PLPP7: variants seen among roughly 807,000 people sequenced by gnomAD.
The protein encoded by PLPP7 is phospholipid phosphatase 7 (inactive).
PLPP7 carries 11 observed loss-of-function variants against 16.9 expected under a neutral mutation model. That is an observed-to-expected ratio of 0.65 (90% confidence interval 0.41 to 1.08). The LOEUF is 1.08. Among genes scored for constraint, PLPP7 ranks in the 50% least tolerant of loss-of-function variants. PLPP7 has a pLI of 0.00. For missense variants in PLPP7, 358 were observed against 397.1 expected (o/e 0.90, Z 0.84); for synonymous variants, 174 against 175.1 (o/e 0.99, Z 0.05).
Position 131,306,408 on chromosome 9 carries a change from A to G in PLPP7, c.452-1515A>G, listed in dbSNP as rs28896258. On this transcript the variant is annotated intron_variant, in intron 1 of 1. Coordinates refer to ENST00000372264, the MANE Select transcript of PLPP7 (RefSeq NM_032728.4). ...AATACAAAAATTAGCCAGGCGAGGC[A>G]GCGTGCGCCTGTAATCCCAGCTACT... Among the ~76,000 whole-genome samples the G allele has an allele frequency of 2.1e-3, 315 of 148,690 alleles. 1 individual carries two copies. The highest frequency in any genetic ancestry group is 3.8e-3 in the Non-Finnish European group (253 of 67,304).
chr9:131,303,240 G>A lies in PLPP7; in HGVS notation c.452-4683G>A, dbSNP rs1331497542. ...CCAGCTACTCGGGAGGCTGAGGCAGGAGAATCGCTTGAACCTGGGAAGCGG... is the reference window on the plus strand; with the variant it reads ...CCAGCTACTCGGGAGGCTGAGGCAGAAGAATCGCTTGAACCTGGGAAGCGG... On this transcript the variant is annotated intron_variant, in intron 1 of 1. Transcript: ENST00000372264. Among the ~76,000 whole-genome samples the A allele has an allele frequency of 2.6e-5, 4 of 151,700 alleles. No individual in the cohort carries two copies. In the East Asian group the frequency reaches 7.8e-4, roughly 30 times the overall value.
rs1835891184 is a variant in PLPP7 at position 131,309,163 on chromosome 9, C to G, written c.*876C>G. ...CCCGTGGGCATCGATGAGGCTTTGG[C>G]CCCCAGGGGCCGGACTCCGTGTGAC... On this transcript the variant is annotated 3_prime_UTR_variant, in exon 2 of 2. Coordinates refer to ENST00000372264, the MANE Select transcript of PLPP7 (RefSeq NM_032728.4). 1 of 152,656 alleles carries G rather than the reference C, an allele frequency of 6.6e-6. No individual in the cohort carries two copies. The highest frequency in any genetic ancestry group is 1.5e-5 in the Non-Finnish European group (1 of 68,048). 9.5% of individuals were successfully genotyped at this position (152,656 alleles called of 1,614,324 possible).
intron 1 of PLPP7, among the ~76,000 whole-genome samples, chr9:131,297,202 G>T (rs999429472): frequency 2.0e-5 from 3 of 152,194 alleles, no homozygotes; most frequent in Non-Finnish European, 2.9e-5. Flanking sequence ...AGTAGGCAGG[G>T]TCTGGATCAG....
At position 131,307,987 on chromosome 9, in the gene PLPP7, C is replaced by G. The variant is rs139175795; in HGVS notation, c.516C>G (p.Tyr172Ter). The G allele has an allele frequency of 1.2e-6, 2 of 1,600,370 alleles. No individual in the cohort carries two copies. The highest frequency in any genetic ancestry group is 1.1e-5 in the South Asian group (1 of 91,054). The change falls in exon 2 of 2, where the codon TAC becomes TAG. Residue 172 changes from tyrosine (Y) to a stop codon, truncating the protein, a stop_gained. Coordinates refer to ENST00000372264, the MANE Select transcript of PLPP7 (RefSeq NM_032728.4). LOFTEE classifies it high-confidence loss of function. ...AGCTCATCAAGCGGCGCGGCCCGTA[C>G]GAGACGAGCCCCAGCCTCCTGGACT... ...VQKLIKRRGP[Y>*]ETSPSLLDYL...
intron 1 of PLPP7, among the ~76,000 whole-genome samples, chr9:131,298,058 C>T (rs1835754303): frequency 6.6e-6 from 1 of 152,112 alleles, no homozygotes; most frequent in Admixed American, 6.6e-5. Flanking sequence ...TCCTGTCTGT[C>T]TCTTGAAGGG....
chr9:131,290,523 G>C lies in PLPP7; in HGVS notation c.451+75G>C, dbSNP rs1019199999. 3 of 1,367,050 alleles carry C rather than the reference G, an allele frequency of 2.2e-6. No individual in the cohort carries two copies. Among genetic ancestry groups the C allele is most frequent in the Non-Finnish European group, 2.9e-6 (3 of 1,030,804 alleles). The allele number at this position is 1,367,050 out of a possible 1,614,324, so 84.7% of individuals were successfully genotyped here. ...GCCTGGCCTGCCCAACCCCACCCTG[G>C]CCGGGACCTGCACAGCCCTCAGAAA... On this transcript the variant is annotated intron_variant, in intron 1 of 1. Coordinates refer to ENST00000372264, the MANE Select transcript of PLPP7 (RefSeq NM_032728.4). The surrounding 1 kb of genome is among the most constrained non-coding windows in gnomAD (Gnocchi z 4.2).
At position 131,308,186 on chromosome 9, in the gene PLPP7, G is replaced by A; in HGVS notation, c.715G>A (p.Asp239Asn). The A allele has an allele frequency of 6.2e-7, 1 of 1,600,162 alleles. No individual in the cohort carries two copies. Among genetic ancestry groups the A allele is most frequent in the Non-Finnish European group, 8.5e-7 (1 of 1,179,832 alleles). The change falls in exon 2 of 2, where the codon GAC (aspartate) becomes AAC (asparagine). Residue 239 changes from aspartate (D) to asparagine (N), a missense_variant. By Grantham distance (23) the Asp-to-Asn change is conservative (BLOSUM62 1). Transcript: ENST00000372264. ...GATGATCGGCCGCCACCACGTCACG[G>A]ACGTCCTCTCCGGCTTTGTCATCGG... ...RVMIGRHHVTDVLSGFVIGYL... is the reference protein window; with the variant it reads ...RVMIGRHHVTNVLSGFVIGYL...
In PLPP7 at chr9:131,295,942, C is replaced by T. The variant is rs1407036982; in HGVS notation, c.451+5494C>T. On this transcript the variant is annotated intron_variant, in intron 1 of 1. Coordinates refer to ENST00000372264, the MANE Select transcript of PLPP7 (RefSeq NM_032728.4). The surrounding 1 kb of genome is among the most constrained non-coding windows in gnomAD (Gnocchi z 4.0). ...CGGTTGCTTCCACATTTTAGCTGTT[C>T]TGAGTAACGCTGCCGTGCGCACAGG... Among the ~76,000 whole-genome samples, 1 of 152,198 alleles carries T rather than the reference C, an allele frequency of 6.6e-6. No individual in the cohort carries two copies. The highest frequency in any genetic ancestry group is 2.4e-5 in the African/African-American group (1 of 41,440).
chr9:131,306,806 G>A (rs566958862), intron 1 of PLPP7, among the ~76,000 whole-genome samples: 201 of 152,252 alleles, frequency 1.3e-3, no homozygotes, highest in Non-Finnish European at 2.5e-3. Flanking sequence ...TCGTGGGTAT[G>A]GGGCATTCTT....
intron 1 of PLPP7, among the ~76,000 whole-genome samples, chr9:131,302,080 A>G (rs1298685465): frequency 6.6e-6 from 1 of 152,040 alleles, no homozygotes. Context: ...CGGCCTCCCA[A>G]AGTGCTGGAA....
At chr9:131,302,411 A>C (rs1366388856) in intron 1 of PLPP7, among the ~76,000 whole-genome samples, 1 of 152,172 alleles carries the variant, frequency 6.6e-6, no homozygotes, top group Non-Finnish European at 1.5e-5. Flanking sequence ...TGCCAAGGTC[A>C]GCACAGCTAC....
chr9:131,290,474 C>T lies in PLPP7; in HGVS notation c.451+26C>T. ...GTGAGTGTGCCTGCCGCCCGCCACT[C>T]ACTGTCAGGCCCCTCGGGAGGCAGC... On this transcript the variant is annotated intron_variant, in intron 1 of 1. Coordinates refer to ENST00000372264, the MANE Select transcript of PLPP7 (RefSeq NM_032728.4). The surrounding 1 kb of genome is among the most constrained non-coding windows in gnomAD (Gnocchi z 4.2). The T allele has an allele frequency of 6.7e-7, 1 of 1,490,116 alleles. No homozygotes were observed. The highest frequency in any genetic ancestry group is 8.9e-7 in the Non-Finnish European group (1 of 1,122,094). The allele number at this position is 1,490,116 out of a possible 1,614,324, so 92.3% of individuals were successfully genotyped here.
intron 1 of PLPP7, among the ~76,000 whole-genome samples, chr9:131,292,560 C>G (rs531511796): frequency 6.6e-6 from 1 of 152,286 alleles, no homozygotes; most frequent in East Asian, 1.9e-4. Context: ...GAACCAGGAG[C>G]AACTCTAGCT....
chr9:131,299,031 G>A (rs112685802), intron 1 of PLPP7, among the ~76,000 whole-genome samples: 3 of 152,180 alleles, frequency 2.0e-5, no homozygotes, highest in Admixed American at 6.5e-5. Context: ...ACATGGTCCC[G>A]GGGGTCCATT....
rs148090816 is a variant in PLPP7 at position 131,307,686 on chromosome 9, C to T, written c.452-237C>T. On this transcript the variant is annotated intron_variant, in intron 1 of 1. Transcript: ENST00000372264. ...CAGCGTGGTGGGGGCTTTTTACAAA[C>T]AGCGTGGTCAGGGAAGGCTTCTCCG... Among the ~76,000 whole-genome samples, 273 of 150,420 alleles carry T rather than the reference C, an allele frequency of 1.8e-3. 1 individual carries two copies. The highest frequency in any genetic ancestry group is 6.5e-3 in the African/African-American group (263 of 40,628).
At chr9:131,293,792 G>A (rs989970575) in intron 1 of PLPP7, among the ~76,000 whole-genome samples, 1 of 152,050 alleles carries the variant, frequency 6.6e-6, no homozygotes, top group Non-Finnish European at 1.5e-5. Context: ...AAGGGAGATG[G>A]CAAAGCATTT....
At chr9:131,305,509 G>A (rs1327767409) in intron 1 of PLPP7, among the ~76,000 whole-genome samples, 1 of 151,652 alleles carries the variant, frequency 6.6e-6, no homozygotes, top group African/African-American at 2.4e-5. Flanking sequence ...AGTTATGATT[G>A]CACCACTACA....
rs190127088 is a variant in PLPP7, at chr9:131,297,589, T to C, written c.451+7141T>C. Reference sequence around the variant, plus strand: ...TTAGTAGAGACGGGGTTTCACCATGTTGGCCAGGCTGGTCTCGAACTCCTG... The same window carrying C: ...TTAGTAGAGACGGGGTTTCACCATGCTGGCCAGGCTGGTCTCGAACTCCTG... On this transcript the variant is annotated intron_variant, in intron 1 of 1. Coordinates refer to ENST00000372264, the MANE Select transcript of PLPP7 (RefSeq NM_032728.4). Among the ~76,000 whole-genome samples, 45 of 152,310 alleles carry C rather than the reference T, an allele frequency of 3.0e-4. No individual in the cohort carries two copies. In the East Asian group the frequency reaches 6.0e-3, roughly 20 times the overall value.
chr9:131,297,073 C>G (rs376868752), intron 1 of PLPP7, among the ~76,000 whole-genome samples: 1 of 152,266 alleles, frequency 6.6e-6, no homozygotes, highest in Non-Finnish European at 1.5e-5. Context: ...CTCAGTGCAA[C>G]AGTCAGTCCC....
Sources: allele counts gnomAD v4.1 joint callset (sites outside exome capture counted in the v4.1 genomes callset), GRCh38; gene constraint gnomAD v4.1.1; non-coding constraint Gnocchi (gnomAD v3.1); transcripts MANE v1.5; gene names NCBI Gene and HGNC (gene_info 2026-07-23, HGNC 2026-07-21).